UNC5D: variants seen among roughly 807,000 people sequenced by gnomAD.
UNC5D encodes netrin receptor UNC5D.
Under a neutral mutation model 105.4 loss-of-function variants are expected in UNC5D, and 39 were observed. That is an observed-to-expected ratio of 0.37 (90% CI 0.29 to 0.48). UNC5D has a LOEUF of 0.48. Among genes scored for constraint, UNC5D ranks in the 20% least tolerant of loss-of-function variants. The probability of loss-of-function intolerance (pLI) is 0.98; values close to 1 mark genes in which losing one functional copy is unlikely to be tolerated. For missense variants in UNC5D, 991 were observed against 1,202.4 expected (o/e 0.82, Z 2.60); for synonymous variants, 452 against 450.4 (o/e 1.00, Z -0.04).
At chr8:35,473,887 G>A (rs541194762) in intron 1 of UNC5D, among the ~76,000 whole-genome samples, 1 of 152,268 alleles carries the variant, frequency 6.6e-6, no homozygotes, top group South Asian at 2.1e-4. Flanking sequence ...GAGTTCAAGG[G>A]GTTGGCATCT....
chr8:35,788,354 T>C (rs889206843), intron 16 of UNC5D, among the ~76,000 whole-genome samples: 1 of 152,146 alleles, frequency 6.6e-6, no homozygotes, highest in African/African-American at 2.4e-5. Flanking sequence ...TAGGAAATAC[T>C]TGGCTGGCTC....
chr8:35,460,777 C>T (rs1201566623), intron 1 of UNC5D, among the ~76,000 whole-genome samples: 3 of 152,106 alleles, frequency 2.0e-5, no homozygotes, highest in Non-Finnish European at 4.4e-5. Context: ...TTTTGTTTTT[C>T]TTCCTTGCTG....
intron 2 of UNC5D, among the ~76,000 whole-genome samples, chr8:35,551,996 A>C (rs1366367342): frequency 1.3e-5 from 2 of 152,216 alleles, no homozygotes; most frequent in Non-Finnish European, 2.9e-5. Flanking sequence ...TAATCATTAC[A>C]CAGTTCTGAA....
At chr8:35,236,676 C>T (rs1312838351) in intron 1 of UNC5D, among the ~76,000 whole-genome samples, 3 of 152,306 alleles carry the variant, frequency 2.0e-5, no homozygotes, top group Admixed American at 6.5e-5. Context: ...AGGGAAATTT[C>T]GCAACTGGTT....
At chr8:35,596,237 A>G (rs1387230841) in intron 4 of UNC5D, among the ~76,000 whole-genome samples, 2 of 152,202 alleles carry the variant, frequency 1.3e-5, no homozygotes, top group East Asian at 3.9e-4. Context: ...CAGAGTCACA[A>G]TGTTTTTTGC....
chr8:35,358,123 T>G (rs1409912765), intron 1 of UNC5D, among the ~76,000 whole-genome samples: 1 of 152,168 alleles, frequency 6.6e-6, no homozygotes, highest in Non-Finnish European at 1.5e-5. Context: ...GAAATACCAT[T>G]TGACCCAGCA....
intron 8 of UNC5D, among the ~76,000 whole-genome samples, chr8:35,711,751 G>T (rs1235482639): frequency 6.6e-6 from 1 of 152,154 alleles, no homozygotes; most frequent in Non-Finnish European, 1.5e-5. Flanking sequence ...AGTTGCTCTT[G>T]TAAGTTGCCT....
At chr8:35,718,554 G>T (rs1242307985) in intron 8 of UNC5D, among the ~76,000 whole-genome samples, 1 of 152,206 alleles carries the variant, frequency 6.6e-6, no homozygotes, top group Non-Finnish European at 1.5e-5. Flanking sequence ...TCCCTGGGAA[G>T]TTATAGAGAT....
chr8:35,469,251 G>C (rs557220266), intron 1 of UNC5D, among the ~76,000 whole-genome samples: 2 of 152,292 alleles, frequency 1.3e-5, no homozygotes, highest in Non-Finnish European at 2.9e-5. Context: ...AGCTTAGACA[G>C]CCCATTTATG....
At chr8:35,516,974 G>A (rs1303299427) in intron 1 of UNC5D, among the ~76,000 whole-genome samples, 2 of 152,244 alleles carry the variant, frequency 1.3e-5, no homozygotes, top group African/African-American at 4.8e-5. Flanking sequence ...TCTTATTTGA[G>A]GTCATGCTGT....
chr8:35,745,595 C>T (rs1829962844), intron 11 of UNC5D, among the ~76,000 whole-genome samples: 1 of 152,122 alleles, frequency 6.6e-6, no homozygotes, highest in African/African-American at 2.4e-5. Flanking sequence ...AAGCAGAGTT[C>T]CTATAGAAAT....
intron 4 of UNC5D, among the ~76,000 whole-genome samples, chr8:35,648,347 A>G (rs1467232548): frequency 5.3e-5 from 8 of 152,188 alleles, no homozygotes; most frequent in African/African-American, 1.9e-4. Context: ...ACCTGCTCCC[A>G]CAATATCCTC....
intron 1 of UNC5D, among the ~76,000 whole-genome samples, chr8:35,463,979 C>A (rs1809109082): frequency 6.6e-6 from 1 of 152,130 alleles, no homozygotes; most frequent in Non-Finnish European, 1.5e-5. Context: ...GCTTTGGTGA[C>A]AACCTGCCCA....
At chr8:35,349,899 G>A (rs1294301519) in intron 1 of UNC5D, among the ~76,000 whole-genome samples, 1 of 151,966 alleles carries the variant, frequency 6.6e-6, no homozygotes, top group Non-Finnish European at 1.5e-5. Flanking sequence ...GGCAGTAAAG[G>A]ATACAGTGAT....
chr8:35,396,482 A>G (rs1291277111), intron 1 of UNC5D, among the ~76,000 whole-genome samples: 3 of 151,630 alleles, frequency 2.0e-5, no homozygotes, highest in Admixed American at 6.6e-5. Flanking sequence ...AGAACTGAAG[A>G]TGGCTTTTAT....
intron 1 of UNC5D, among the ~76,000 whole-genome samples, chr8:35,473,486 A>G (rs1310194091): frequency 6.6e-6 from 1 of 152,142 alleles, no homozygotes; most frequent in African/African-American, 2.4e-5. Context: ...CTGCACATTA[A>G]TTGACACCCA....
chr8:35,262,072 T>C (rs1405321723), intron 1 of UNC5D, among the ~76,000 whole-genome samples: 1 of 152,218 alleles, frequency 6.6e-6, no homozygotes, highest in African/African-American at 2.4e-5. Context: ...TTCTGGGCAC[T>C]GGGACAATGT....
intron 1 of UNC5D, among the ~76,000 whole-genome samples, chr8:35,405,941 GT>G (rs1310753068): frequency 6.6e-6 from 1 of 152,100 alleles, no homozygotes; most frequent in Non-Finnish European, 1.5e-5. Flanking sequence ...TGTATTCTAG[GT>G]TTGCAGACTT....
At chr8:35,322,671 A>G (rs546598395) in intron 1 of UNC5D, among the ~76,000 whole-genome samples, 11 of 152,336 alleles carry the variant, frequency 7.2e-5, no homozygotes, top group African/African-American at 2.6e-4. Flanking sequence ...TTTGCAATGC[A>G]TGTTGTGTCT....
Sources: gnomAD v4.1 joint callset for allele counts (sites outside exome capture counted in the v4.1 genomes callset) on GRCh38, gnomAD v4.1.1 for gene constraint, MANE v1.5 for transcripts, NCBI Gene and HGNC (gene_info 2026-07-23, HGNC 2026-07-21) for gene names.